ATP8A2: variants seen among roughly 807,000 people sequenced by gnomAD.
ATP8A2 encodes the protein ATPase phospholipid transporting 8A2, also known as phospholipid-transporting ATPase IB.
Under a neutral mutation model 165.6 loss-of-function variants are expected in ATP8A2, and 100 were observed. That is an observed-to-expected ratio of 0.60 (90% confidence interval 0.51 to 0.71). The LOEUF (loss-of-function observed/expected upper bound fraction) is 0.71. Ranked by LOEUF, ATP8A2 falls within the 30% of genes least tolerant of loss-of-function variation. ATP8A2 has a pLI of 0.00. For synonymous variants in ATP8A2, 543 were observed against 548.8 expected, an observed-to-expected ratio of 0.99 and a Z score of 0.15; for missense variants, 1,227 against 1,479.5, an observed-to-expected ratio of 0.83 and a Z score of 2.80.
At chr13:25,420,752 T>C (rs2034276038) in intron 1 of ATP8A2, among the ~76,000 whole-genome samples, 1 of 152,220 alleles carries the variant, frequency 6.6e-6, no homozygotes, top group Admixed American at 6.5e-5. Flanking sequence ...CACAGATAGT[T>C]ACCTATAAAT....
chr13:25,825,144 G>GTTTTT (rs1951281310), intron 27 of ATP8A2, among the ~76,000 whole-genome samples: 2 of 46,980 alleles, frequency 4.3e-5, no homozygotes, highest in Admixed American at 2.5e-4. Context: ...GTATGTGTTT[G>GTTTTT]CTTTTTTTTT....
At chr13:25,388,135 G>A (rs1177763271) in intron 1 of ATP8A2, among the ~76,000 whole-genome samples, 1 of 152,014 alleles carries the variant, frequency 6.6e-6, no homozygotes, top group East Asian at 1.9e-4. Flanking sequence ...TTGAGATATT[G>A]TTGTGTTACC....
At chr13:25,589,319 T>C (rs775014195) in intron 23 of ATP8A2, among the ~76,000 whole-genome samples, 11 of 152,290 alleles carry the variant, frequency 7.2e-5, no homozygotes, top group South Asian at 2.1e-4. Flanking sequence ...GTCCACTGCC[T>C]TCCTGAAGTG....
chr13:25,751,633 G>A (rs2044155512), intron 25 of ATP8A2, among the ~76,000 whole-genome samples: 4 of 152,058 alleles, frequency 2.6e-5, no homozygotes, highest in South Asian at 2.1e-4. Flanking sequence ...ACAAGGTCTC[G>A]CTATGTTGCC....
At chr13:25,851,582 C>CAAAAAA (rs200852097) in intron 30 of ATP8A2, among the ~76,000 whole-genome samples, 6 of 109,052 alleles carry the variant, frequency 5.5e-5, no homozygotes, top group African/African-American at 1.8e-4. Flanking sequence ...GACTCTGTCT[C>CAAAAAA]AAAAAAAAAA....
intron 23 of ATP8A2, among the ~76,000 whole-genome samples, chr13:25,583,166 C>T (rs1236127313): frequency 6.6e-6 from 1 of 152,164 alleles, no homozygotes. Flanking sequence ...AGCATTTTTA[C>T]AAATGAAGAA....
At chr13:25,594,982 G>GTATATATA (rs1275140289) in intron 24 of ATP8A2, among the ~76,000 whole-genome samples, 9 of 82,526 alleles carry the variant, frequency 1.1e-4, no homozygotes, top group African/African-American at 3.3e-4. Flanking sequence ...GTGTGTGTGT[G>GTATATATA]TGTATATATA....
intron 18 of ATP8A2, 49 bp downstream of exon 18, chr13:25,571,741 T>C (rs1219095762): frequency 3.4e-6 from 5 of 1,473,640 alleles, no homozygotes; most frequent in African/African-American, 1.4e-5. Flanking sequence ...TTTGTGAAGA[T>C]TGTGTGTGTG....
chr13:25,795,977 T>C (rs1950491333), intron 27 of ATP8A2, among the ~76,000 whole-genome samples: 2 of 151,596 alleles, frequency 1.3e-5, no homozygotes, highest in African/African-American at 4.9e-5. Context: ...AAAGACAGGG[T>C]CTTGCTCTGT....
At chr13:25,539,060 AGTGT>A (rs57382485) in intron 7 of ATP8A2, among the ~76,000 whole-genome samples, 6,987 of 137,430 alleles carry the variant, frequency 0.051, 382 homozygotes, top group African/African-American at 0.14. Context: ...TAGAAAATTT[AGTGT>A]GTGTGTGTGT....
At position 25,870,136 on chromosome 13, in the gene ATP8A2, CTG is replaced by C. The variant is rs1952634663; in HGVS notation, c.3183+7732_3183+7733del. On this transcript the variant is annotated intron_variant, in intron 33 of 36. Transcript: ENST00000381655. ...GTCCTCCAATTGTTCTGGCCAAACT[CTG>C]TGTCATTCTGGCGATAGGTGGCCTG... Among the ~76,000 whole-genome samples, 5 of 152,204 alleles carry C rather than the reference CTG, an allele frequency of 3.3e-5. 1 individual carries two copies. The South Asian group carries it at 1.0e-3, about 32-fold the overall frequency.
At chr13:25,752,352 T>C (rs2044169925) in intron 25 of ATP8A2, among the ~76,000 whole-genome samples, 2 of 151,928 alleles carry the variant, frequency 1.3e-5, no homozygotes, top group Admixed American at 1.3e-4. Context: ...TCCTAGCTAC[T>C]TGGGGGACTG....
chr13:25,834,660 G>A (rs998989393), intron 28 of ATP8A2, among the ~76,000 whole-genome samples: 4 of 152,212 alleles, frequency 2.6e-5, no homozygotes, highest in Middle Eastern at 3.2e-3. Flanking sequence ...AAAAATGTGT[G>A]TAAAGTATAA....
intron 1 of ATP8A2, among the ~76,000 whole-genome samples, chr13:25,426,678 C>T (rs923850897): frequency 2.0e-5 from 3 of 152,112 alleles, no homozygotes; most frequent in Non-Finnish European, 4.4e-5. Context: ...CACGGTGGCT[C>T]ATGCCTGTAA....
At chr13:25,447,387 T>C (rs1158505502) in intron 1 of ATP8A2, among the ~76,000 whole-genome samples, 1 of 152,196 alleles carries the variant, frequency 6.6e-6, no homozygotes, top group Non-Finnish European at 1.5e-5. Context: ...ACATTTATCA[T>C]TTCTCTGTGT....
intron 2 of ATP8A2, among the ~76,000 whole-genome samples, chr13:25,496,688 G>C (rs1048606724): frequency 6.6e-6 from 1 of 152,054 alleles, no homozygotes; most frequent in Non-Finnish European, 1.5e-5. Flanking sequence ...TGATTATCAG[G>C]TGCTCTGATC....
At chr13:25,531,147 G>GTTATATATATT (rs2038022640) in intron 4 of ATP8A2, among the ~76,000 whole-genome samples, 1 of 139,480 alleles carries the variant, frequency 7.2e-6, no homozygotes, top group African/African-American at 2.7e-5. Context: ...GTATATATAT[G>GTTATATATATT]TTATATATAT....
At chr13:25,534,204 A>C (rs760439016) in intron 6 of ATP8A2, 1 of 532,964 alleles carries the variant, frequency 1.9e-6, no homozygotes, top group South Asian at 1.4e-5. Flanking sequence ...CCTTTAAAGA[A>C]ATTTCTCCTT....
At chr13:25,420,841 T>C (rs1333594029) in intron 1 of ATP8A2, among the ~76,000 whole-genome samples, 1 of 152,234 alleles carries the variant, frequency 6.6e-6, no homozygotes, top group Non-Finnish European at 1.5e-5. Flanking sequence ...ATTTGAGTAC[T>C]CTGTTCTGTT....
Sources: gnomAD v4.1 joint callset for allele counts (sites outside exome capture counted in the v4.1 genomes callset) on GRCh38, gnomAD v4.1.1 for gene constraint, MANE v1.5 for transcripts, NCBI Gene and HGNC (gene_info 2026-07-23, HGNC 2026-07-21) for gene names.